GALNTL6: variants seen among roughly 807,000 people sequenced by gnomAD.
GALNTL6 encodes the protein polypeptide N-acetylgalactosaminyltransferase-like 6.
GALNTL6 carries 46 observed loss-of-function variants against 73.7 expected under a neutral mutation model. That is an observed-to-expected ratio of 0.62 (90% CI 0.49 to 0.80). The LOEUF (loss-of-function observed/expected upper bound fraction) is 0.80, where lower values mean the gene tolerates loss of function less well. GALNTL6 is among the 30% of genes least tolerant of loss of function. GALNTL6 has a pLI of 0.00. For missense variants in GALNTL6, 604 were observed against 755.0 expected (o/e 0.80, Z 2.34); for synonymous variants, 259 against 263.7 (o/e 0.98, Z 0.17).
intron 5 of GALNTL6, among the ~76,000 whole-genome samples, chr4:172,772,003 C>T (rs895818014): frequency 1.3e-5 from 2 of 152,160 alleles, no homozygotes; most frequent in African/African-American, 2.4e-5. Context: ...CACAGTTCCA[C>T]ATGGCTGGGG....
At chr4:171,930,078 A>G (rs1328408850) in intron 2 of GALNTL6, among the ~76,000 whole-genome samples, 1 of 152,230 alleles carries the variant, frequency 6.6e-6, no homozygotes, top group African/African-American at 2.4e-5. Context: ...CTAACAGCCA[A>G]TGTGGCAGTG....
intron 5 of GALNTL6, among the ~76,000 whole-genome samples, chr4:172,654,305 T>C (rs1256713788): frequency 6.6e-6 from 1 of 152,214 alleles, no homozygotes; most frequent in African/African-American, 2.4e-5. Flanking sequence ...TTTCCAAGCA[T>C]AAGCACTTGT....
chr4:171,933,117 A>G (rs547967264), intron 2 of GALNTL6, among the ~76,000 whole-genome samples: 1 of 152,320 alleles, frequency 6.6e-6, no homozygotes, highest in East Asian at 1.9e-4. Flanking sequence ...TTGAGTGATA[A>G]AGGTGGAAAA....
At chr4:172,509,582 G>A (rs1579139039) in intron 5 of GALNTL6, among the ~76,000 whole-genome samples, 1 of 55,434 alleles carries the variant, frequency 1.8e-5, no homozygotes, top group Admixed American at 2.5e-4. Flanking sequence ...TTAGGTCTTA[G>A]ATTTAAGTCT....
chr4:172,097,001 T>A (rs988778707), intron 2 of GALNTL6, among the ~76,000 whole-genome samples: 2 of 152,200 alleles, frequency 1.3e-5, no homozygotes, highest in Non-Finnish European at 2.9e-5. Context: ...ATCGTCATAC[T>A]TTTTTAGAAA....
chr4:172,329,506 T>C (rs1000442621), intron 4 of GALNTL6, among the ~76,000 whole-genome samples: 3 of 152,158 alleles, frequency 2.0e-5, no homozygotes, highest in Non-Finnish European at 4.4e-5. Context: ...TGCCTACCCC[T>C]TCTTCTGGGT....
At chr4:172,908,813 T>A (rs925797617) in intron 8 of GALNTL6, among the ~76,000 whole-genome samples, 1 of 151,732 alleles carries the variant, frequency 6.6e-6, no homozygotes. Flanking sequence ...AAAAAAAGAC[T>A]TGAAAAAAAT....
chr4:172,961,835 G>A (rs1490291884), intron 10 of GALNTL6, among the ~76,000 whole-genome samples: 1 of 152,230 alleles, frequency 6.6e-6, no homozygotes, highest in African/African-American at 2.4e-5. Flanking sequence ...ATGGAACAAA[G>A]AGCAGGAAGA....
intron 2 of GALNTL6, among the ~76,000 whole-genome samples, chr4:172,228,911 A>C (rs767335051): frequency 1.3e-5 from 2 of 152,204 alleles, no homozygotes; most frequent in African/African-American, 2.4e-5. Flanking sequence ...AGCATAAACT[A>C]TATTTTGTGA....
chr4:172,878,417 AAAT>A (rs1487762150), intron 7 of GALNTL6, among the ~76,000 whole-genome samples: 3 of 151,920 alleles, frequency 2.0e-5, no homozygotes, highest in Non-Finnish European at 2.9e-5. Flanking sequence ...AATTAAACAA[AAAT>A]AATAATAATA....
rs149073867 is a variant in GALNTL6 at position 172,395,830 on chromosome 4, C to T, written c.553+47141C>T. Among the ~76,000 whole-genome samples, 291 of 152,130 alleles carry T rather than the reference C, an allele frequency of 1.9e-3. 1 individual carries two copies. Among genetic ancestry groups the T allele is most frequent in the African/African-American group, 6.7e-3 (280 of 41,492 alleles). On this transcript the variant is annotated intron_variant, in intron 5 of 12. Transcript: ENST00000506823. Reference sequence around the variant, plus strand: ...GAATGTAATTTTAGTGGAAATCAACCGGCAACATTAATTAATTAATGTATA... The same window carrying T: ...GAATGTAATTTTAGTGGAAATCAACTGGCAACATTAATTAATTAATGTATA...
At chr4:172,572,845 C>T (rs559644031) in intron 5 of GALNTL6, among the ~76,000 whole-genome samples, 45 of 152,086 alleles carry the variant, frequency 3.0e-4, no homozygotes, top group African/African-American at 1.1e-3. Context: ...TATGTTGTAC[C>T]TGTTGCTTTT....
At chr4:171,954,870 T>G (rs998131894) in intron 2 of GALNTL6, among the ~76,000 whole-genome samples, 1 of 152,168 alleles carries the variant, frequency 6.6e-6, no homozygotes, top group African/African-American at 2.4e-5. Context: ...TCTCTCTTCC[T>G]CCTGCTCTGG....
chr4:172,610,109 C>G (rs948155904), intron 5 of GALNTL6, among the ~76,000 whole-genome samples: 1 of 151,900 alleles, frequency 6.6e-6, no homozygotes, highest in African/African-American at 2.4e-5. Flanking sequence ...GTCTATCTAG[C>G]AGTCTATTCT....
intron 8 of GALNTL6, among the ~76,000 whole-genome samples, chr4:172,902,055 T>A (rs756111174): frequency 1.3e-5 from 2 of 152,178 alleles, no homozygotes; most frequent in South Asian, 2.1e-4. Flanking sequence ...TTATTGAGCA[T>A]CTAATGTATG....
chr4:171,997,788 AAGAG>A (rs1046505864), intron 2 of GALNTL6, among the ~76,000 whole-genome samples: 2 of 151,952 alleles, frequency 1.3e-5, no homozygotes, highest in Non-Finnish European at 2.9e-5. Flanking sequence ...GAACATGAAA[AAGAG>A]AGAGAGAGAC....
chr4:171,872,753 G>T (rs1736173644), intron 2 of GALNTL6, among the ~76,000 whole-genome samples: 1 of 152,142 alleles, frequency 6.6e-6, no homozygotes, highest in African/African-American at 2.4e-5. Context: ...CAGTCATATT[G>T]AATTAGGGCC....
At chr4:171,824,849 G>T (rs1734782186) in intron 2 of GALNTL6, among the ~76,000 whole-genome samples, 1 of 151,846 alleles carries the variant, frequency 6.6e-6, no homozygotes, top group South Asian at 2.1e-4. Context: ...TTAAATTCTT[G>T]AGTAGCCCAT....
intron 5 of GALNTL6, among the ~76,000 whole-genome samples, chr4:172,673,710 C>T (rs1392720827): frequency 3.3e-5 from 5 of 152,194 alleles, no homozygotes; most frequent in Non-Finnish European, 7.4e-5. Context: ...GAATTGAACC[C>T]TTTATTGTTA....
Sources: allele counts gnomAD v4.1 joint callset (sites outside exome capture counted in the v4.1 genomes callset), GRCh38; gene constraint gnomAD v4.1.1; transcripts MANE v1.5; gene names NCBI Gene and HGNC (gene_info 2026-07-23, HGNC 2026-07-21).